The following PDPK1 variants were observed in gnomAD, a reference collection of about 807,000 sequenced individuals.
PDPK1 encodes the protein 3-phosphoinositide dependent protein kinase 1, also known as 3-phosphoinositide-dependent protein kinase 1.
Under a neutral mutation model 39.8 loss-of-function variants are expected in PDPK1, and 7 were observed. The ratio of observed to expected loss-of-function variants is 0.18; its 90% CI spans 0.10 to 0.33. The LOEUF is 0.33. PDPK1 is among the 10% of genes least tolerant of loss of function. PDPK1 has a pLI of 1.00. For synonymous variants in PDPK1, 118 were observed against 159.1 expected, an observed-to-expected ratio of 0.74 and a Z score of 1.95; for missense variants, 182 against 384.7, an observed-to-expected ratio of 0.47 and a Z score of 4.41.
chr16:2,597,377 G>A lies in PDPK1; in HGVS notation c.1554+102G>A. On this transcript the variant is annotated intron_variant, in intron 13 of 13. Coordinates refer to ENST00000342085, the MANE Select transcript of PDPK1 (RefSeq NM_002613.5). The surrounding 1 kb of genome is among the most constrained non-coding windows in gnomAD (Gnocchi z 6.3). ...TTGGCCAGAGGGAGCAGCGGGGATC[G>A]GGGCAGCTGCCTCGCCCTTTCCGAC... is the stretch of plus-strand genomic sequence containing the variant. 3.7e-6 allele frequency: 4 copies of A among 1,084,640 alleles called. No individual in the cohort carries two copies. The highest frequency in any genetic ancestry group is 2.4e-5 in the East Asian group (1 of 41,862). The allele number at this position is 1,084,640 out of a possible 1,614,324, so 67.2% of individuals were successfully genotyped here.
intron 1 of PDPK1, 102 bp downstream of exon 1, chr16:2,538,238 C>T (rs867285642): frequency 1.9e-4 from 101 of 524,968 alleles, no homozygotes; most frequent in East Asian, 2.1e-4. Context: ...TCCCGAGGGC[C>T]GGGTGCCTCC....
chr16:2,585,157 T>G (rs532915738), intron 10 of PDPK1, among the ~76,000 whole-genome samples: 1 of 152,310 alleles, frequency 6.6e-6, no homozygotes, highest in South Asian at 2.1e-4. Flanking sequence ...TGCTTGCACT[T>G]GCCGCATACC....
rs1475319201 is a variant in PDPK1, at chr16:2,603,183, A to T, written c.*5416A>T. On this transcript the variant is annotated 3_prime_UTR_variant, in exon 14 of 14. Coordinates refer to ENST00000342085, the MANE Select transcript of PDPK1 (RefSeq NM_002613.5). The stretch of plus-strand genomic sequence containing the variant: ...TAGTCTTGTAATAAAAAGCATGTAG[A>T]GTGTAGAGGTTTGCTGGCGTGGCTC... 4.7e-6 allele frequency: 1 copy of T among 212,008 alleles called. No homozygotes were observed. The highest frequency in any genetic ancestry group is 9.6e-6 in the Non-Finnish European group (1 of 104,712). 13.1% of individuals were successfully genotyped at this position (212,008 alleles called of 1,614,324 possible).
At chr16:2,580,659 G>A (rs1457746338) in intron 7 of PDPK1, among the ~76,000 whole-genome samples, 1 of 31,616 alleles carries the variant, frequency 3.2e-5, no homozygotes, top group East Asian at 7.8e-4. Context: ...TGAATTCCAC[G>A]CTCTGGAGAG....
At chr16:2,577,784 A>C (rs2066743911) in intron 7 of PDPK1, among the ~76,000 whole-genome samples, 2 of 149,228 alleles carry the variant, frequency 1.3e-5, no homozygotes, top group Non-Finnish European at 2.9e-5. Context: ...CTGTCTCCAG[A>C]CTGGAGTGCA....
chr16:2,596,187 G>T (rs1283759624), intron 12 of PDPK1, among the ~76,000 whole-genome samples: 1 of 152,084 alleles, frequency 6.6e-6, no homozygotes, highest in Non-Finnish European at 1.5e-5. Flanking sequence ...ACCATTTAAG[G>T]GTTGTTCTTT....
chr16:2,586,735 C>T lies in PDPK1; in HGVS notation c.1185C>T (p.His395=). 4 of 1,614,274 alleles carry T rather than the reference C, an allele frequency of 2.5e-6. No individual in the cohort carries two copies. The highest frequency in any genetic ancestry group is 3.4e-6 in the Non-Finnish European group (4 of 1,180,050). The part of the protein sequence containing the change: ...CMQVSSSSSS[H]SLSASDTGLP... ...AGGTGTCTTCGTCCTCCTCCTCACA[C>T]TCCCTGTCAGCCTCCGACACGGGCC... Residue 395 remains histidine (H), a synonymous_variant, in exon 11 of 14, where the codon CAC becomes CAT. Transcript: ENST00000342085.
chr16:2,587,937 C>T (rs2066910367), intron 11 of PDPK1, among the ~76,000 whole-genome samples: 1 of 152,176 alleles, frequency 6.6e-6, no homozygotes, highest in Admixed American at 6.5e-5. Flanking sequence ...AATATTTTTA[C>T]CTGCTTTTCC....
At chr16:2,595,293 C>G (rs1281466708) in intron 11 of PDPK1, among the ~76,000 whole-genome samples, 1 of 152,212 alleles carries the variant, frequency 6.6e-6, no homozygotes, top group Non-Finnish European at 1.5e-5. Context: ...TTACGTCCAA[C>G]TTGGGTCTGT....
At chr16:2,559,805 G>A (rs1159562225) in intron 2 of PDPK1, among the ~76,000 whole-genome samples, 5 of 150,618 alleles carry the variant, frequency 3.3e-5, no homozygotes, top group African/African-American at 1.2e-4. Flanking sequence ...GATGGGTGGA[G>A]AGCAGGCACT....
intron 11 of PDPK1, 145 bp downstream of exon 11, chr16:2,587,038 T>C (rs2066891702): frequency 2.8e-6 from 2 of 723,316 alleles, no homozygotes; most frequent in South Asian, 3.3e-5. Context: ...AGTGCACAGT[T>C]GGAAACAGGT....
rs748736402 is a variant in PDPK1, at chr16:2,602,905, C to G, written c.*5138C>G. 4.3e-6 allele frequency: 1 copy of G among 232,418 alleles called. No homozygotes were observed. The highest frequency in any genetic ancestry group is 8.5e-6 in the Non-Finnish European group (1 of 117,436). The allele number at this position is 232,418 out of a possible 1,614,324, so 14.4% of individuals were successfully genotyped here. On this transcript the variant is annotated 3_prime_UTR_variant, in exon 14 of 14. Transcript: ENST00000342085. ...TAGTTCAGTCTGTGTTATTTAAATTCTAATATATGAATTATTTGAATTGAA... is the reference window on the plus strand; with the variant it reads ...TAGTTCAGTCTGTGTTATTTAAATTGTAATATATGAATTATTTGAATTGAA...
chr16:2,600,896 C>T lies in PDPK1; in HGVS notation c.*3129C>T, dbSNP rs546604706. ...TAAAATAGGAACATCCGACACACAC[C>T]GTTTGCATCGTCTTCTCCCTTGATA... On this transcript the variant is annotated 3_prime_UTR_variant, in exon 14 of 14. Transcript: ENST00000342085. 1.4e-4 allele frequency: 29 copies of T among 213,948 alleles called. No homozygotes were observed. The highest frequency in any genetic ancestry group is 8.2e-4 in the South Asian group (4 of 4,880). The allele number at this position is 213,948 out of a possible 1,614,324, so 13.3% of individuals were successfully genotyped here. A position where few individuals can be genotyped will look rare whatever the true frequency, so the allele number is the denominator to read the frequency against.
At position 2,601,809 on chromosome 16, in the gene PDPK1, C is replaced by G. The variant is rs1002387094; in HGVS notation, c.*4042C>G. On this transcript the variant is annotated 3_prime_UTR_variant, in exon 14 of 14. Coordinates refer to ENST00000342085, the MANE Select transcript of PDPK1 (RefSeq NM_002613.5). The stretch of plus-strand genomic sequence containing the variant: ...CAGCTGGTGTAGATTTCAGGCCGCC[C>G]CCCCCAACTCCCTGCCCACAGTGTT... 2 of 228,714 alleles carry G rather than the reference C, an allele frequency of 8.7e-6. No individual in the cohort carries two copies. The highest frequency in any genetic ancestry group is 1.7e-5 in the Non-Finnish European group (2 of 114,672). 14.2% of individuals were successfully genotyped at this position (228,714 alleles called of 1,614,324 possible).
At chr16:2,592,320 G>A (rs1031554601) in intron 11 of PDPK1, among the ~76,000 whole-genome samples, 8 of 152,180 alleles carry the variant, frequency 5.3e-5, no homozygotes, top group African/African-American at 1.7e-4. Context: ...CCAAGATGGC[G>A]GTGTATGAGA....
intron 1 of PDPK1, among the ~76,000 whole-genome samples, chr16:2,546,726 G>A (rs1387615052): frequency 5.3e-5 from 8 of 152,184 alleles, no homozygotes; most frequent in Non-Finnish European, 1.0e-4. Flanking sequence ...GGTGCCATGA[G>A]GCTTTTCCTA....
intron 11 of PDPK1, among the ~76,000 whole-genome samples, chr16:2,590,148 T>G (rs1429818292): frequency 5.3e-5 from 8 of 151,186 alleles, no homozygotes; most frequent in Non-Finnish European, 1.2e-4. Context: ...TGAGGCGGAG[T>G]CTCCCTCTGT....
In PDPK1 at chr16:2,593,425, C is replaced by T. The variant is rs904290661; in HGVS notation, c.1344-2368C>T. ...AGGTGGAGGTGGTTTCGTCCTCTTT[C>T]CGTGGCTCCCACAGCTCAGTGCTGG... On this transcript the variant is annotated intron_variant, in intron 11 of 13. Transcript: ENST00000342085. The surrounding 1 kb of genome is among the most constrained non-coding windows in gnomAD (Gnocchi z 4.2). The T allele has an allele frequency of 3.1e-6, 1 of 319,802 alleles. No homozygotes were observed. Among genetic ancestry groups the T allele is most frequent in the Middle Eastern group, 1.1e-3 (1 of 922 alleles). The allele number at this position is 319,802 out of a possible 1,614,324, so 19.8% of individuals were successfully genotyped here.
chr16:2,602,068 G>A lies in PDPK1; in HGVS notation c.*4301G>A, dbSNP rs1486291897. 5 of 234,224 alleles carry A rather than the reference G, an allele frequency of 2.1e-5. No homozygotes were observed. Among genetic ancestry groups the A allele is most frequent in the African/African-American group, 8.8e-5 (4 of 45,258 alleles). 14.5% of individuals were successfully genotyped at this position (234,224 alleles called of 1,614,324 possible). A position where few individuals can be genotyped will look rare whatever the true frequency, so the allele number is the denominator to read the frequency against. On this transcript the variant is annotated 3_prime_UTR_variant, in exon 14 of 14. Transcript: ENST00000342085. ...CCTTGCCTGGCTGGTTGACAGACCC[G>A]GGGTGGTCACTGCTGAGACTTCAGA...
Sources: gnomAD v4.1 joint callset for allele counts (sites outside exome capture counted in the v4.1 genomes callset) on GRCh38, gnomAD v4.1.1 for gene constraint, Gnocchi (gnomAD v3.1) non-coding constraint, MANE v1.5 for transcripts, NCBI Gene and HGNC (gene_info 2026-07-23, HGNC 2026-07-21) for gene names.